AFF3: variants seen among roughly 807,000 people sequenced by gnomAD.
AFF3 encodes the protein ALF transcription elongation factor 3, also known as AF4/FMR2 family member 3.
AFF3 carries 32 observed loss-of-function variants against 129.7 expected under a neutral mutation model. The observed-to-expected ratio is 0.25, with a 90% CI of 0.19 to 0.33. The LOEUF is 0.33. Among genes scored for constraint, AFF3 ranks in the 10% least tolerant of loss-of-function variants. AFF3 has a pLI of 1.00. For synonymous variants in AFF3, 644 were observed against 635.4 expected (o/e 1.01, Z -0.20); for missense variants, 1,373 against 1,592.0 (o/e 0.86, Z 2.34).
intron 7 of AFF3, among the ~76,000 whole-genome samples, chr2:99,840,154 CA>C (rs1689213076): frequency 6.6e-6 from 1 of 152,090 alleles, no homozygotes; most frequent in Admixed American, 6.5e-5. Flanking sequence ...CATGGATGCA[CA>C]AAACTTTAAT....
intron 7 of AFF3, among the ~76,000 whole-genome samples, chr2:99,882,708 T>G (rs550261980): frequency 6.6e-6 from 1 of 152,352 alleles, no homozygotes; most frequent in South Asian, 2.1e-4. Flanking sequence ...TTATTTTTAA[T>G]GGAGAATTTT....
intron 4 of AFF3, among the ~76,000 whole-genome samples, chr2:100,078,551 A>G (rs767540328): frequency 3.9e-5 from 6 of 152,316 alleles, no homozygotes; most frequent in South Asian, 4.1e-4. Context: ...CAAGAGCATC[A>G]GGTCTTGTTT....
At chr2:99,730,247 T>A (rs1024522129) in intron 10 of AFF3, among the ~76,000 whole-genome samples, 5 of 152,140 alleles carry the variant, frequency 3.3e-5, no homozygotes, top group African/African-American at 1.2e-4. Context: ...TGAAACAGCT[T>A]GCTGACTCCA....
chr2:99,849,707 G>C (rs1373482325), intron 7 of AFF3, among the ~76,000 whole-genome samples: 1 of 152,138 alleles, frequency 6.6e-6, no homozygotes, highest in Non-Finnish European at 1.5e-5. Context: ...TGATTACTAG[G>C]AGGCAACAAG....
intron 2 of AFF3, among the ~76,000 whole-genome samples, chr2:100,107,761 C>G (rs763190140): frequency 6.6e-6 from 1 of 152,188 alleles, no homozygotes; most frequent in Non-Finnish European, 1.5e-5. Flanking sequence ...GGGCCCTACT[C>G]ACATTCTGCC....
chr2:99,581,604 C>T (rs1157358407), intron 17 of AFF3, among the ~76,000 whole-genome samples: 1 of 152,010 alleles, frequency 6.6e-6, no homozygotes, highest in Non-Finnish European at 1.5e-5. Flanking sequence ...CTGTAACCTC[C>T]ACCTCCCAGG....
At chr2:99,585,537 A>G (rs1678017397) in intron 16 of AFF3, among the ~76,000 whole-genome samples, 1 of 152,214 alleles carries the variant, frequency 6.6e-6, no homozygotes, top group Admixed American at 6.5e-5. Context: ...CTCTAGAGCA[A>G]GAGTTTTTTA....
At chr2:99,776,686 G>A (rs1477313344) in intron 8 of AFF3, among the ~76,000 whole-genome samples, 4 of 152,204 alleles carry the variant, frequency 2.6e-5, no homozygotes, top group African/African-American at 9.7e-5. Context: ...CCGGCAGTGG[G>A]CTCCAGGCTC....
intron 18 of AFF3, among the ~76,000 whole-genome samples, chr2:99,577,956 T>C (rs1677153177): frequency 1.3e-5 from 2 of 152,228 alleles, no homozygotes; most frequent in African/African-American, 4.8e-5. Flanking sequence ...TATTATTCAT[T>C]GCCTATTATA....
chr2:99,559,133 T>C (rs1005065068), intron 21 of AFF3, among the ~76,000 whole-genome samples, 165 bp from the exon 22 acceptor site: 5 of 152,256 alleles, frequency 3.3e-5, no homozygotes, highest in African/African-American at 1.2e-4. Flanking sequence ...GAACATCTTT[T>C]GTCCAAAAAT....
chr2:99,769,374 T>C (rs1387641579), intron 8 of AFF3, among the ~76,000 whole-genome samples: 3 of 152,192 alleles, frequency 2.0e-5, no homozygotes, highest in Admixed American at 2.0e-4. Flanking sequence ...TTTGTTAAAT[T>C]TATCTGATAG....
At chr2:99,726,157 A>G (rs547770840) in intron 11 of AFF3, among the ~76,000 whole-genome samples, 64 of 152,342 alleles carry the variant, frequency 4.2e-4, no homozygotes, top group African/African-American at 1.5e-3. Context: ...CAAACATATA[A>G]TCATATCTCT....
chr2:99,663,394 T>C (rs558300576), intron 12 of AFF3, among the ~76,000 whole-genome samples: 7 of 152,362 alleles, frequency 4.6e-5, no homozygotes, highest in Admixed American at 1.3e-4. Context: ...TCTTGGTATC[T>C]TGATGAAGCA....
intron 7 of AFF3, among the ~76,000 whole-genome samples, chr2:99,953,262 C>T (rs1676331649): frequency 6.6e-6 from 1 of 152,178 alleles, no homozygotes; most frequent in Non-Finnish European, 1.5e-5. Context: ...CTCTACAACT[C>T]TAGATTGGGC....
intron 11 of AFF3, among the ~76,000 whole-genome samples, chr2:99,698,751 T>C (rs1394525964): frequency 6.6e-6 from 1 of 152,234 alleles, no homozygotes; most frequent in Non-Finnish European, 1.5e-5. Context: ...TTAGTTTTAT[T>C]ATTGTACCTT....
chr2:99,547,193 C>T lies in AFF3; in HGVS notation c.*4281G>A, dbSNP rs6750139. On this transcript the variant is annotated 3_prime_UTR_variant, in exon 25 of 25. Coordinates refer to ENST00000672756, the MANE Select transcript of AFF3 (RefSeq NM_001386135.1). Reference sequence around the variant, plus strand: ...GAACGTATTTTGATTCTCAAGTTTCCGTGTAAAAATATTCACAGAAATTGG... The same window carrying T: ...GAACGTATTTTGATTCTCAAGTTTCTGTGTAAAAATATTCACAGAAATTGG... 661 of 215,198 alleles carry T rather than the reference C, an allele frequency of 3.1e-3. 3 individuals are homozygous for T. The highest frequency in any genetic ancestry group is 0.013 in the African/African-American group (572 of 44,410). The allele number at this position is 215,198 out of a possible 1,614,324, so 13.3% of individuals were successfully genotyped here.
chr2:99,981,688 T>C (rs1576475641), intron 7 of AFF3, among the ~76,000 whole-genome samples: 1 of 152,236 alleles, frequency 6.6e-6, no homozygotes, highest in Non-Finnish European at 1.5e-5. Flanking sequence ...CCTATTGTTT[T>C]TAGAGCACTG....
intron 7 of AFF3, among the ~76,000 whole-genome samples, chr2:99,930,770 A>AC (rs1232312119): frequency 6.6e-6 from 1 of 152,230 alleles, no homozygotes; most frequent in Non-Finnish European, 1.5e-5. Flanking sequence ...GGCTAAGTTT[A>AC]CCACTGGGAC....
At chr2:99,948,097 T>C (rs181419317) in intron 7 of AFF3, among the ~76,000 whole-genome samples, 18 of 152,248 alleles carry the variant, frequency 1.2e-4, no homozygotes, top group Admixed American at 1.1e-3. Flanking sequence ...CTCCATAACT[T>C]AGGGGAGCCT....
Sources: gnomAD v4.1 joint callset for allele counts (sites outside exome capture counted in the v4.1 genomes callset) on GRCh38, gnomAD v4.1.1 for gene constraint, MANE v1.5 for transcripts, NCBI Gene and HGNC (gene_info 2026-07-23, HGNC 2026-07-21) for gene names.